SLC39A6: variants seen among roughly 807,000 people sequenced by gnomAD.
The protein encoded by SLC39A6 is zinc transporter ZIP6.
SLC39A6 carries 51 observed loss-of-function variants against 63.5 expected under a neutral mutation model. That is an observed-to-expected ratio of 0.80 (90% CI 0.64 to 1.01). SLC39A6 has a LOEUF of 1.01. Among genes scored for constraint, SLC39A6 ranks in the 50% least tolerant of loss-of-function variants. SLC39A6 has a pLI of 0.00. For synonymous variants in SLC39A6, 318 were observed against 324.7 expected, an observed-to-expected ratio of 0.98 and a Z score of 0.22; for missense variants, 805 against 927.8, an observed-to-expected ratio of 0.87 and a Z score of 1.72.
intron 5 of SLC39A6, among the ~76,000 whole-genome samples, chr18:36,119,822 A>G (rs1205486776): frequency 6.6e-6 from 1 of 152,036 alleles, no homozygotes; most frequent in Non-Finnish European, 1.5e-5. Flanking sequence ...TTGAAGCGCA[A>G]TGAGCTATGA....
intron 5 of SLC39A6, among the ~76,000 whole-genome samples, chr18:36,117,271 C>A (rs532683317): frequency 6.6e-6 from 1 of 152,240 alleles, no homozygotes; most frequent in South Asian, 2.1e-4. Flanking sequence ...AGGGGCATTT[C>A]CTTCAGGCAT....
Position 36,114,287 on chromosome 18 carries a change from T to C in SLC39A6, c.1653A>G (p.Ser551=). 1.9e-6 allele frequency: 3 copies of C among 1,614,216 alleles called. No homozygotes were observed. Among genetic ancestry groups the C allele is most frequent in the Non-Finnish European group, 1.7e-6 (2 of 1,180,030 alleles). Residue 551 remains serine (S), a synonymous_variant, in exon 7 of 10, where the codon TCA becomes TCG. Coordinates refer to ENST00000269187, the MANE Select transcript of SLC39A6 (RefSeq NM_012319.4). ...HSHFHDTLGQ[S]DDLIHHHHDY... is the part of the protein sequence containing the mutation. ...CATGATGGTGGTGAATGAGATCGTC[T>C]GACTGGCCGAGTGTATCGTGGAAAT...
At chr18:36,117,035 G>A (rs1325689984) in intron 5 of SLC39A6, among the ~76,000 whole-genome samples, 1 of 152,288 alleles carries the variant, frequency 6.6e-6, no homozygotes, top group Non-Finnish European at 1.5e-5. Flanking sequence ...TCAGGAGTTC[G>A]AGACCAGCCT....
At position 36,114,406 on chromosome 18, in the gene SLC39A6, A is replaced by G. The variant is rs1290718262; in HGVS notation, c.1534T>C (p.Leu512=). ...GCTATCATGACCTCTTCTTCTTCCA[A>G]GACTGCAGGCTGCTGAGAATCAAAG... The part of the protein sequence containing the change: ...SHFDSQQPAV[L]EEEEVMIAHA... The change falls in exon 7 of 10, where the codon TTG becomes CTG. Residue 512 remains leucine, a synonymous_variant. Transcript: ENST00000269187. The G allele has an allele frequency of 6.2e-7, 1 of 1,614,208 alleles. No individual in the cohort carries two copies. The highest frequency in any genetic ancestry group is 2.2e-5 in the East Asian group (1 of 44,884).
intron 6 of SLC39A6, among the ~76,000 whole-genome samples, chr18:36,115,331 A>G (rs1203862022): frequency 6.6e-6 from 1 of 151,744 alleles, no homozygotes; most frequent in Non-Finnish European, 1.5e-5. Context: ...AGTCCCAGTT[A>G]CTCGGGAGGC....
chr18:36,109,457 A>C lies in SLC39A6; in HGVS notation c.*136T>G. On this transcript the variant is annotated 3_prime_UTR_variant, in exon 10 of 10. Transcript: ENST00000269187. ...ACGTACCTTTAACTGACTTTGTAAC[A>C]GACAGCAATATTCAATACAAAAATC... 1.6e-6 allele frequency: 1 copy of C among 609,972 alleles called. No individual in the cohort carries two copies. 37.8% of individuals were successfully genotyped at this position (609,972 alleles called of 1,614,324 possible). A position where few individuals can be genotyped will look rare whatever the true frequency, so the allele number is the denominator to read the frequency against.
chr18:36,127,076 AC>A, intron 1 of SLC39A6, 60 bp from the exon 2 acceptor site: 1 of 1,396,522 alleles, frequency 7.2e-7, no homozygotes, highest in Non-Finnish European at 9.7e-7. Flanking sequence ...GAATTAAGAA[AC>A]CTCATACTGA....
chr18:36,116,790 G>A lies in SLC39A6; in HGVS notation c.1360-11C>T. On this transcript the variant is annotated splice_polypyrimidine_tract_variant and intron_variant, in intron 5 of 9. Transcript: ENST00000269187. ...AGGTTTCTTCTGATTCTAAAATAGTGAGGGAAAACAATACTTTAAAACAGT... is the reference window on the plus strand; with the variant it reads ...AGGTTTCTTCTGATTCTAAAATAGTAAGGGAAAACAATACTTTAAAACAGT... 1 of 1,572,272 alleles carries A rather than the reference G, an allele frequency of 6.4e-7. No individual in the cohort carries two copies. Among genetic ancestry groups the A allele is most frequent in the Non-Finnish European group, 8.7e-7 (1 of 1,144,550 alleles).
chr18:36,116,347 A>G (rs1285232485), intron 6 of SLC39A6, among the ~76,000 whole-genome samples: 3 of 152,216 alleles, frequency 2.0e-5, no homozygotes. Context: ...AAAAAATTAA[A>G]GAAAAAGGTG....
In SLC39A6 at chr18:36,111,068, C is replaced by G. The variant is rs1324185957; in HGVS notation, c.2106G>C (p.Leu702=). The G allele has an allele frequency of 6.2e-7, 1 of 1,613,628 alleles. No individual in the cohort carries two copies. Among genetic ancestry groups the G allele is most frequent in the South Asian group, 1.1e-5 (1 of 91,052 alleles). ...CTTCTTAAAAACTTACCATATCAAC[C>G]AGAGCAACATACATGAATAAGCCAG... ...LTAGLFMYVA[L]VDMVPEMLHN... Residue 702 remains leucine, a synonymous_variant, in exon 9 of 10, where the codon CTG becomes CTC. Coordinates refer to ENST00000269187, the MANE Select transcript of SLC39A6 (RefSeq NM_012319.4).
At position 36,112,514 on chromosome 18, in the gene SLC39A6, C is replaced by G. The variant is rs1225804374; in HGVS notation, c.1911G>C (p.Leu637Phe). The G allele has an allele frequency of 6.2e-7, 1 of 1,610,034 alleles. No homozygotes were observed. The highest frequency in any genetic ancestry group is 8.5e-7 in the Non-Finnish European group (1 of 1,176,784). ...TGGTTCTCTTACCTAATTCATGAGG[C>G]AACTCATGACAGAACACAGCAACAG... ...STSVAVFCHE[L>F]PHELGDFAVL... is the part of the protein sequence containing the mutation. Residue 637 changes from leucine to phenylalanine, a missense_variant, in exon 8 of 10, where the codon TTG becomes TTC. This residue lies in a region of SLC39A6 where 145 missense variants were observed against 227.2 expected (regional missense o/e 0.64). Coordinates refer to ENST00000269187, the MANE Select transcript of SLC39A6 (RefSeq NM_012319.4).
chr18:36,120,796 G>A (rs1465551224), intron 5 of SLC39A6, among the ~76,000 whole-genome samples: 1 of 152,162 alleles, frequency 6.6e-6, no homozygotes, highest in African/African-American at 2.4e-5. Flanking sequence ...CCTGGTAGGG[G>A]ATACTTAATT....
Position 36,126,642 on chromosome 18 carries a change from A to G in SLC39A6, c.366T>C (p.His122=), listed in dbSNP as rs376601812. ...SDHEHHSEHE[H]HSDHDHHSHH... ...GAGAGTGATGATCATGGTCAGAGTG[A>G]TGCTCGTGCTCTGAGTGATGCTCAT... The change falls in exon 2 of 10, where the codon CAT becomes CAC. Residue 122 remains histidine, a synonymous_variant. Coordinates refer to ENST00000269187, the MANE Select transcript of SLC39A6 (RefSeq NM_012319.4). 2 of 1,602,932 alleles carry G rather than the reference A, an allele frequency of 1.2e-6. No homozygotes were observed. Among genetic ancestry groups the G allele is most frequent in the Non-Finnish European group, 1.7e-6 (2 of 1,172,868 alleles).
In SLC39A6 at chr18:36,114,336, C is replaced by A; in HGVS notation, c.1604G>T (p.Gly535Val). Residue 535 changes from glycine (G) to valine (V), a missense_variant, in exon 7 of 10, where the codon GGG becomes GTG. By Grantham distance (109) the Gly-to-Val change is moderately radical. Around this residue, in one of 4 missense-constraint regions of SLC39A6, gnomAD observed 639 missense variants for 644.0 expected, o/e 0.99. Transcript: ENST00000269187. ...ATGTGAATGGCATTTATTCTTGCAC[C>A]CTCTGGGTACATATTCATTGTAGAC... ...QEVYNEYVPR[G>V]CKNKCHSHFH... The A allele has an allele frequency of 6.2e-7, 1 of 1,614,140 alleles. No homozygotes were observed. Among genetic ancestry groups the A allele is most frequent in the Non-Finnish European group, 8.5e-7 (1 of 1,180,034 alleles).
Position 36,115,227 on chromosome 18 carries a change from G to A in SLC39A6, c.1466-753C>T, listed in dbSNP as rs146680006. Among the ~76,000 whole-genome samples the A allele has an allele frequency of 8.3e-3, 1,270 of 152,178 alleles. 25 individuals carry two copies. The highest frequency in any genetic ancestry group is 0.029 in the African/African-American group (1,204 of 41,526). The stretch of plus-strand genomic sequence containing the variant: ...GAGGCAGAGGTGGGCGGATCACAAC[G>A]TCAGGGGATCGAGACCATCCTGGCT... On this transcript the variant is annotated intron_variant, in intron 6 of 9. Coordinates refer to ENST00000269187, the MANE Select transcript of SLC39A6 (RefSeq NM_012319.4).
At position 36,120,668 on chromosome 18, in the gene SLC39A6, TG is replaced by T. The variant is rs374392854; in HGVS notation, c.1359+1383del. 2.9e-3 allele frequency among the ~76,000 whole-genome samples: 448 copies of T among 152,318 alleles called. 2 individuals carry two copies. The highest frequency in any genetic ancestry group is 0.01 in the African/African-American group (435 of 41,572). On this transcript the variant is annotated intron_variant, in intron 5 of 9. Coordinates refer to ENST00000269187, the MANE Select transcript of SLC39A6 (RefSeq NM_012319.4). ...TGATGGTAAGGAGTTACTTCTTTTT[TG>T]GGGGGTAGAGACAGTGTCTTGCTAT... is the stretch of plus-strand genomic sequence containing the variant.
chr18:36,119,342 C>G (rs940957981), intron 5 of SLC39A6, among the ~76,000 whole-genome samples: 4 of 152,094 alleles, frequency 2.6e-5, no homozygotes, highest in African/African-American at 7.2e-5. Flanking sequence ...TGCTTATTTG[C>G]TGTTTCATGC....
chr18:36,115,311 G>T (rs917058156), intron 6 of SLC39A6, among the ~76,000 whole-genome samples: 1 of 151,998 alleles, frequency 6.6e-6, no homozygotes, highest in Non-Finnish European at 1.5e-5. Context: ...GCATGGTGGC[G>T]GGTGCCTGTA....
In SLC39A6 at chr18:36,129,294, C is replaced by T. The variant is rs563182835; in HGVS notation, c.-190G>A. The T allele has an allele frequency of 6.3e-5, 10 of 159,492 alleles. No homozygotes were observed. In the South Asian group the frequency reaches 1.2e-3, roughly 19 times the overall value. The allele number at this position is 159,492 out of a possible 1,614,324, so 9.9% of individuals were successfully genotyped here. A position where few individuals can be genotyped will look rare whatever the true frequency, so the allele number is the denominator to read the frequency against. ...GTCCGGGGGCAGCGCCGCGCAGCCA[C>T]CCGGCAGCCGCGCCCCTAGCCTTCG... On this transcript the variant is annotated 5_prime_UTR_variant, in exon 1 of 10. The change creates a new upstream start codon in the 5' untranslated region. Transcript: ENST00000269187.
Sources: gnomAD v4.1 joint callset for allele counts (sites outside exome capture counted in the v4.1 genomes callset) on GRCh38, gnomAD v4.1.1 for gene constraint, gnomAD v4.1.1 regional missense constraint, MANE v1.5 for transcripts, NCBI Gene and HGNC (gene_info 2026-07-23, HGNC 2026-07-21) for gene names.